Variants in MAPKAP1 observed in about 807,000 individuals in gnomAD.
MAPKAP1 encodes the protein MAPK associated protein 1, also known as target of rapamycin complex 2 subunit MAPKAP1.
In MAPKAP1, 20 loss-of-function variants were observed where a neutral mutation model predicts 65.7. The ratio of observed to expected loss-of-function variants is 0.30; its 90% CI spans 0.21 to 0.44. The LOEUF is 0.44. Ranked by LOEUF, MAPKAP1 falls within the 20% of genes least tolerant of loss-of-function variation. The pLI is 1.00. For synonymous variants in MAPKAP1, 222 were observed against 244.3 expected, an observed-to-expected ratio of 0.91 and a Z score of 0.85; for missense variants, 423 against 648.0, an observed-to-expected ratio of 0.65 and a Z score of 3.77.
Position 125,559,950 on chromosome 9 carries a change from T to G in MAPKAP1, c.672-141A>C, listed in dbSNP as rs1261428140. The G allele has an allele frequency of 1.5e-5, 11 of 740,806 alleles. No individual in the cohort carries two copies. In the East Asian group the frequency reaches 2.7e-4, roughly 18 times the overall value. 45.9% of individuals were successfully genotyped at this position (740,806 alleles called of 1,614,324 possible). A position where few individuals can be genotyped will look rare whatever the true frequency, so the allele number is the denominator to read the frequency against. ...TGGTGATACAGTAAAAAATCCCAAATCCTACTTCATTTGATAGAGAGAATA... is the reference window on the plus strand; with the variant it reads ...TGGTGATACAGTAAAAAATCCCAAAGCCTACTTCATTTGATAGAGAGAATA... On this transcript the variant is annotated intron_variant, in intron 5 of 11. Transcript: ENST00000265960.
At chr9:125,651,563 GC>G (rs1177524603) in intron 4 of MAPKAP1, among the ~76,000 whole-genome samples, 6 of 152,176 alleles carry the variant, frequency 3.9e-5, no homozygotes, top group Non-Finnish European at 8.8e-5. Flanking sequence ...CTGAGATGGT[GC>G]GACTGCACTC....
chr9:125,562,841 G>A, intron 5 of MAPKAP1, among the ~76,000 whole-genome samples: 1 of 152,198 alleles, frequency 6.6e-6, no homozygotes, highest in Non-Finnish European at 1.5e-5. Flanking sequence ...AGATTAAACA[G>A]CATGTAAGTG....
intron 4 of MAPKAP1, among the ~76,000 whole-genome samples, chr9:125,589,172 C>T (rs1326246689): frequency 6.6e-6 from 1 of 152,114 alleles, no homozygotes; most frequent in Non-Finnish European, 1.5e-5. Flanking sequence ...ATTATTATTA[C>T]TTATTATTAA....
At chr9:125,675,891 C>T (rs1834630995) in intron 1 of MAPKAP1, among the ~76,000 whole-genome samples, 2 of 152,162 alleles carry the variant, frequency 1.3e-5, no homozygotes, top group South Asian at 2.1e-4. Flanking sequence ...ATCTCTTCAA[C>T]GTGCCCTTCA....
In MAPKAP1 at chr9:125,698,398, C is replaced by T. The variant is rs10435894; in HGVS notation, c.-70+8573G>A. 7.1e-4 allele frequency among the ~76,000 whole-genome samples: 104 copies of T among 145,766 alleles called. 2 individuals carry two copies. The East Asian group carries it at 0.016, about 22-fold the overall frequency. On this transcript the variant is annotated intron_variant, in intron 1 of 11. Transcript: ENST00000265960. Reference sequence around the variant, plus strand: ...TGTCACCCAGGCTGGAGTGCAATGGCGCAATCTTGGCTCATGGCAACCTCC... The same window carrying T: ...TGTCACCCAGGCTGGAGTGCAATGGTGCAATCTTGGCTCATGGCAACCTCC...
chr9:125,589,570 G>A (rs916439571), intron 4 of MAPKAP1, among the ~76,000 whole-genome samples: 51 of 152,306 alleles, frequency 3.3e-4, no homozygotes, highest in African/African-American at 1.2e-3. Flanking sequence ...ATAGGTGAAA[G>A]TGGAGGGACT....
intron 7 of MAPKAP1, among the ~76,000 whole-genome samples, chr9:125,514,044 G>A (rs982666499): frequency 6.6e-6 from 1 of 152,174 alleles, no homozygotes; most frequent in Non-Finnish European, 1.5e-5. Flanking sequence ...GACACGTGAC[G>A]CTGGGTCTGA....
intron 9 of MAPKAP1, among the ~76,000 whole-genome samples, chr9:125,473,115 G>C (rs1009770166): frequency 1.4e-5 from 2 of 145,470 alleles, no homozygotes; most frequent in East Asian, 2.0e-4. Flanking sequence ...TTCTTTAACA[G>C]AACTTCTAGC....
chr9:125,625,686 T>C (rs1452488471), intron 4 of MAPKAP1, among the ~76,000 whole-genome samples: 1 of 152,096 alleles, frequency 6.6e-6, no homozygotes, highest in Non-Finnish European at 1.5e-5. Context: ...TGCCAGTTAC[T>C]TGGGAGACTG....
chr9:125,592,764 G>A (rs993797491), intron 4 of MAPKAP1, among the ~76,000 whole-genome samples: 10 of 152,000 alleles, frequency 6.6e-5, no homozygotes, highest in African/African-American at 1.9e-4. Context: ...TTAGCCGGGC[G>A]TGGTGGTAGG....
chr9:125,472,664 C>A (rs1278264582), intron 9 of MAPKAP1, among the ~76,000 whole-genome samples: 1 of 152,128 alleles, frequency 6.6e-6, no homozygotes, highest in Non-Finnish European at 1.5e-5. Context: ...ATTTCTCCAA[C>A]TTAAGTGGCC....
intron 10 of MAPKAP1, among the ~76,000 whole-genome samples, chr9:125,453,332 T>G (rs910934021): frequency 7.2e-5 from 11 of 152,248 alleles, no homozygotes; most frequent in African/African-American, 2.7e-4. Context: ...TCTCAAAGTG[T>G]TGGGATTACA....
At chr9:125,671,875 C>T (rs1012540624) in intron 2 of MAPKAP1, among the ~76,000 whole-genome samples, 1 of 152,184 alleles carries the variant, frequency 6.6e-6, no homozygotes, top group Non-Finnish European at 1.5e-5. Flanking sequence ...CCCCACTCCC[C>T]CACAATTCCT....
chr9:125,704,954 G>A (rs761039251), intron 1 of MAPKAP1, among the ~76,000 whole-genome samples: 19 of 152,210 alleles, frequency 1.2e-4, no homozygotes, highest in Admixed American at 9.2e-4. Context: ...GTTATGTGTC[G>A]AAGGTCACAT....
At chr9:125,480,414 G>A (rs1428592171) in intron 9 of MAPKAP1, among the ~76,000 whole-genome samples, 1 of 152,190 alleles carries the variant, frequency 6.6e-6, no homozygotes, top group Non-Finnish European at 1.5e-5. Context: ...GTCACTGGAA[G>A]CATTCCAAGC....
At chr9:125,529,380 C>A (rs1829870452) in intron 7 of MAPKAP1, among the ~76,000 whole-genome samples, 1 of 151,834 alleles carries the variant, frequency 6.6e-6, no homozygotes, top group Non-Finnish European at 1.5e-5. Flanking sequence ...CAAGACTCTA[C>A]TGAAGGATAA....
At chr9:125,441,540 T>C (rs966013875) in intron 11 of MAPKAP1, among the ~76,000 whole-genome samples, 3 of 152,250 alleles carry the variant, frequency 2.0e-5, no homozygotes, top group African/African-American at 4.8e-5. Flanking sequence ...AAAAGCTCGA[T>C]GGAGGCTTTG....
chr9:125,513,668 G>T lies in MAPKAP1; in HGVS notation c.959-7251C>A, dbSNP rs570015989. Reference sequence around the variant, plus strand: ...CCTTAGCAAAGTGCTCGGTCAATGAGAGCTGCTATTATTGCAAATACAGAC... The same window carrying T: ...CCTTAGCAAAGTGCTCGGTCAATGATAGCTGCTATTATTGCAAATACAGAC... On this transcript the variant is annotated intron_variant, in intron 7 of 11. Coordinates refer to ENST00000265960, the MANE Select transcript of MAPKAP1 (RefSeq NM_001006617.3). Among the ~76,000 whole-genome samples the T allele has an allele frequency of 2.0e-5, 3 of 152,318 alleles. No individual in the cohort carries two copies. In the South Asian group the frequency reaches 6.2e-4, roughly 32 times the overall value.
At chr9:125,535,054 C>T (rs1204607864) in intron 7 of MAPKAP1, among the ~76,000 whole-genome samples, 2 of 152,210 alleles carry the variant, frequency 1.3e-5, no homozygotes, top group Non-Finnish European at 2.9e-5. Context: ...GCTCCCAGAA[C>T]ATAAATGCAC....
Sources: allele counts gnomAD v4.1 joint callset (sites outside exome capture counted in the v4.1 genomes callset), GRCh38; gene constraint gnomAD v4.1.1; transcripts MANE v1.5; gene names NCBI Gene and HGNC (gene_info 2026-07-23, HGNC 2026-07-21).